The following MAGI2 variants were observed in gnomAD, a reference collection of about 807,000 sequenced individuals.
The protein encoded by MAGI2 is membrane associated guanylate kinase, WW and PDZ domain containing 2.
Under a neutral mutation model 133.3 loss-of-function variants are expected in MAGI2, and 35 were observed. That is an observed-to-expected ratio of 0.26 (90% CI 0.20 to 0.35). The LOEUF (loss-of-function observed/expected upper bound fraction) is 0.35, where lower values mean the gene tolerates loss of function less well. Among genes scored for constraint, MAGI2 ranks in the 10% least tolerant of loss-of-function variants. The probability of loss-of-function intolerance (pLI) is 1.00; values close to 1 mark genes in which losing one functional copy is unlikely to be tolerated. For synonymous variants in MAGI2, 729 were observed against 710.6 expected, an observed-to-expected ratio of 1.03 and a Z score of -0.41; for missense variants, 1,636 against 1,863.4, an observed-to-expected ratio of 0.88 and a Z score of 2.25.
At chr7:78,282,201 C>G (rs1331109169) in intron 9 of MAGI2, among the ~76,000 whole-genome samples, 1 of 152,088 alleles carries the variant, frequency 6.6e-6, no homozygotes, top group African/African-American at 2.4e-5. Flanking sequence ...GTCCTGGAGA[C>G]TTAAACTCAT....
At chr7:79,300,442 C>T (rs1837306065) in intron 1 of MAGI2, among the ~76,000 whole-genome samples, 1 of 152,102 alleles carries the variant, frequency 6.6e-6, no homozygotes, top group Non-Finnish European at 1.5e-5. Flanking sequence ...TATTGAACTT[C>T]AAAGTGATGA....
chr7:78,026,317 T>C (rs1358330828), intron 21 of MAGI2, among the ~76,000 whole-genome samples: 1 of 152,242 alleles, frequency 6.6e-6, no homozygotes, highest in Non-Finnish European at 1.5e-5. Flanking sequence ...AGCTTGTTTA[T>C]GATATATAAC....
intron 9 of MAGI2, among the ~76,000 whole-genome samples, chr7:78,261,319 G>A (rs1793498656): frequency 6.6e-6 from 1 of 152,024 alleles, no homozygotes; most frequent in African/African-American, 2.4e-5. Flanking sequence ...ACCCTCAAGA[G>A]CACTTCCTTT....
At chr7:78,921,048 T>C (rs1799184298) in intron 2 of MAGI2, among the ~76,000 whole-genome samples, 1 of 152,108 alleles carries the variant, frequency 6.6e-6, no homozygotes, top group East Asian at 1.9e-4. Context: ...AGGCTGATTG[T>C]CTATTCTTGA....
At chr7:78,300,099 C>T (rs1212693854) in intron 9 of MAGI2, among the ~76,000 whole-genome samples, 1 of 152,086 alleles carries the variant, frequency 6.6e-6, no homozygotes, top group Non-Finnish European at 1.5e-5. Context: ...GAACCTGTGA[C>T]TTTGTTATCC....
At position 79,002,134 on chromosome 7, in the gene MAGI2, C is replaced by CTT. The variant is rs11301382; in HGVS notation, c.418+4954_418+4955dup. ...TCACAGGCTTCTTCTTCTTCTTCTT[C>CTT]TTTTTTTTTTTTTTTTAGACAGAGT... On this transcript the variant is annotated intron_variant, in intron 2 of 21. Coordinates refer to ENST00000354212, the MANE Select transcript of MAGI2 (RefSeq NM_012301.4). Among the ~76,000 whole-genome samples, 30 of 135,224 alleles carry CTT rather than the reference C, an allele frequency of 2.2e-4. No individual in the cohort carries two copies. The South Asian group carries it at 6.1e-3, about 28-fold the overall frequency. 88.7% of individuals were successfully genotyped at this position (135,224 alleles called of 152,430 possible). A position where few individuals can be genotyped will look rare whatever the true frequency, so the allele number is the denominator to read the frequency against.
chr7:78,926,460 C>G (rs1328536889), intron 2 of MAGI2, among the ~76,000 whole-genome samples: 1 of 152,020 alleles, frequency 6.6e-6, no homozygotes, highest in Non-Finnish European at 1.5e-5. Context: ...CATGAACAGA[C>G]AGAATTGCCT....
At chr7:78,222,358 C>T (rs765448821) in intron 10 of MAGI2, among the ~76,000 whole-genome samples, 2 of 152,244 alleles carry the variant, frequency 1.3e-5, no homozygotes, top group South Asian at 2.1e-4. Flanking sequence ...TAACACAGAA[C>T]AAGGAAAAAT....
chr7:79,440,576 C>CTTGGTAAAGATACTCCTTATA (rs1848433017), intron 1 of MAGI2, among the ~76,000 whole-genome samples: 1 of 152,000 alleles, frequency 6.6e-6, no homozygotes, highest in African/African-American at 2.4e-5. Flanking sequence ...TACTCCTTAT[C>CTTGGTAAAGATACTCCTTATA]TTGGTAAAGA....
intron 5 of MAGI2, among the ~76,000 whole-genome samples, chr7:78,494,081 A>G (rs1793872701): frequency 6.6e-6 from 1 of 151,778 alleles, no homozygotes; most frequent in African/African-American, 2.4e-5. Context: ...GGATCAAGTG[A>G]TTCTCCCGCC....
intron 1 of MAGI2, among the ~76,000 whole-genome samples, chr7:79,401,635 C>G (rs118151324): frequency 0.071 from 10,731 of 152,064 alleles, 508 homozygotes; most frequent in Non-Finnish European, 0.1. Context: ...TCCAAAATAA[C>G]AGTAATTAAA....
intron 2 of MAGI2, among the ~76,000 whole-genome samples, chr7:78,776,778 C>T (rs111233422): frequency 2.8e-4 from 42 of 152,240 alleles, no homozygotes; most frequent in African/African-American, 9.1e-4. Context: ...TTATGATGGT[C>T]GCATTTTTGC....
chr7:78,595,189 G>C (rs540122098), intron 3 of MAGI2, among the ~76,000 whole-genome samples: 9 of 152,092 alleles, frequency 5.9e-5, no homozygotes, highest in Non-Finnish European at 1.2e-4. Flanking sequence ...TCACTTGCTA[G>C]AGACTTTGGA....
intron 21 of MAGI2, among the ~76,000 whole-genome samples, chr7:78,077,725 G>GTTTTTTTTTTTTTTTT (rs538030969): frequency 4.0e-5 from 4 of 101,242 alleles, no homozygotes; most frequent in Non-Finnish European, 5.6e-5. Flanking sequence ...TCTTTAGAAT[G>GTTTTTTTTTTTTTTTT]TTTTTTTTTT....
At position 78,872,808 on chromosome 7, in the gene MAGI2, TATTTTATGTTATGTTATGA is replaced by T. The variant is rs569399424; in HGVS notation, c.418+134263_418+134281del. 3.1e-3 allele frequency among the ~76,000 whole-genome samples: 475 copies of T among 152,274 alleles called. 3 individuals carry two copies. Among genetic ancestry groups the T allele is most frequent in the African/African-American group, 0.011 (450 of 41,570 alleles). On this transcript the variant is annotated intron_variant, in intron 2 of 21. Coordinates refer to ENST00000354212, the MANE Select transcript of MAGI2 (RefSeq NM_012301.4). Reference sequence around the variant, plus strand: ...AGATTCTTAACATAAGAGAAGTATCTATTTTATGTTATGTTATGAGAATAACCATATATGAAATATAATG... The same window carrying T: ...AGATTCTTAACATAAGAGAAGTATCTGAATAACCATATATGAAATATAATG...
At chr7:78,893,037 AAAAC>A (rs1796899357) in intron 2 of MAGI2, among the ~76,000 whole-genome samples, 1 of 152,072 alleles carries the variant, frequency 6.6e-6, no homozygotes, top group South Asian at 2.1e-4. Flanking sequence ...TTACAAGAAA[AAAAC>A]AAACAACCCC....
intron 7 of MAGI2, among the ~76,000 whole-genome samples, chr7:78,360,203 G>T (rs561188182): frequency 5.3e-5 from 8 of 152,014 alleles, no homozygotes; most frequent in Middle Eastern, 3.4e-3. Flanking sequence ...TAACATTGTC[G>T]GCATCTCTTT....
chr7:78,053,203 C>T (rs922745000), intron 21 of MAGI2, among the ~76,000 whole-genome samples: 11 of 152,284 alleles, frequency 7.2e-5, no homozygotes, highest in East Asian at 1.9e-4. Flanking sequence ...TGAGAACTAA[C>T]GCTACTTGCA....
At chr7:78,431,964 T>A (rs1799838030) in intron 6 of MAGI2, among the ~76,000 whole-genome samples, 1 of 152,086 alleles carries the variant, frequency 6.6e-6, no homozygotes, top group Non-Finnish European at 1.5e-5. Context: ...TCCCACAGAC[T>A]GTAGCCAATT....
Sources: gnomAD v4.1 joint callset for allele counts (sites outside exome capture counted in the v4.1 genomes callset) on GRCh38, gnomAD v4.1.1 for gene constraint, MANE v1.5 for transcripts, NCBI Gene and HGNC (gene_info 2026-07-23, HGNC 2026-07-21) for gene names.